RC3H1: variants seen among roughly 807,000 people sequenced by gnomAD.
RC3H1 encodes the protein ring finger and CCCH-type domains 1.
Under a neutral mutation model 138.2 loss-of-function variants are expected in RC3H1, and 50 were observed. That is an observed-to-expected ratio of 0.36 (90% CI 0.29 to 0.46). The LOEUF is 0.46. Ranked by LOEUF, RC3H1 falls within the 20% of genes least tolerant of loss-of-function variation. RC3H1 has a pLI of 1.00. For missense variants in RC3H1, 1,031 were observed against 1,388.1 expected, an observed-to-expected ratio of 0.74 and a Z score of 4.09; for synonymous variants, 462 against 489.1, an observed-to-expected ratio of 0.94 and a Z score of 0.73.
intron 1 of RC3H1, among the ~76,000 whole-genome samples, chr1:173,994,796 C>CAAAAAA (rs984715226): frequency 6.0e-5 from 4 of 67,174 alleles, no homozygotes; most frequent in African/African-American, 4.3e-5. Context: ...GACCCCATCT[C>CAAAAAA]AAAAAAAAAA....
rs1400341911 is a variant in RC3H1 at position 173,964,193 on chromosome 1, G to C, written c.1617-6C>G. The C allele has an allele frequency of 3.1e-6, 5 of 1,592,914 alleles. No individual in the cohort carries two copies. Among genetic ancestry groups the C allele is most frequent in the Non-Finnish European group, 4.3e-6 (5 of 1,160,920 alleles). On this transcript the variant is annotated splice_region_variant and splice_polypyrimidine_tract_variant and intron_variant, in intron 10 of 19. Transcript: ENST00000367696. Reference sequence around the variant, plus strand: ...TCTTAGGAACAGATTCTAGCCTAAGGGAATAATATTATGGAAGTTGTTTAA... The same window carrying C: ...TCTTAGGAACAGATTCTAGCCTAAGCGAATAATATTATGGAAGTTGTTTAA...
At chr1:173,946,650 AT>A (rs761069508) in intron 16 of RC3H1, 42 bp from the exon 17 acceptor site, 175 of 1,608,510 alleles carry the variant, frequency 1.1e-4, no homozygotes, top group Non-Finnish European at 1.4e-4. Flanking sequence ...TTAACATTTC[AT>A]TTTGTTAACA....
chr1:173,952,192 A>G, intron 13 of RC3H1, 54 bp from the exon 14 acceptor site: 1 of 1,372,296 alleles, frequency 7.3e-7, no homozygotes, highest in Non-Finnish European at 9.8e-7. Flanking sequence ...AAGAAACAAA[A>G]CAGGAAATGG....
chr1:173,947,801 G>A (rs971941990), intron 14 of RC3H1, among the ~76,000 whole-genome samples: 1 of 152,046 alleles, frequency 6.6e-6, no homozygotes, highest in African/African-American at 2.4e-5. Context: ...GGAACGTAGG[G>A]GCACTCTCAT....
At chr1:173,944,174 CAA>C (rs201962234) in intron 17 of RC3H1, among the ~76,000 whole-genome samples, 43 of 57,506 alleles carry the variant, frequency 7.5e-4, no homozygotes, top group African/African-American at 1.3e-3. Flanking sequence ...CTTTGTCTCT[CAA>C]AAAAAAAAAA....
rs188041037 is a variant in RC3H1, at chr1:173,932,771, T to C, written c.*5950A>G. On this transcript the variant is annotated 3_prime_UTR_variant, in exon 20 of 20. Coordinates refer to ENST00000367696, the MANE Select transcript of RC3H1 (RefSeq NM_172071.4). Reference sequence around the variant, plus strand: ...ATGACAGCCAATCAATGGAGAAAGATTACACAAATAAATGGTGATTAAAAA... The same window carrying C: ...ATGACAGCCAATCAATGGAGAAAGACTACACAAATAAATGGTGATTAAAAA... 3 of 152,028 alleles carry C rather than the reference T, an allele frequency of 2.0e-5. No individual in the cohort carries two copies. The highest frequency in any genetic ancestry group is 2.1e-4 in the South Asian group (1 of 4,818). The allele number at this position is 152,028 out of a possible 1,614,324, so 9.4% of individuals were successfully genotyped here. A position where few individuals can be genotyped will look rare whatever the true frequency, so the allele number is the denominator to read the frequency against.
At chr1:173,994,422 A>T (rs1222461595) in intron 1 of RC3H1, among the ~76,000 whole-genome samples, 2 of 152,164 alleles carry the variant, frequency 1.3e-5, no homozygotes, top group Non-Finnish European at 2.9e-5. Context: ...ACTTTTGACA[A>T]CATAAGAATA....
At chr1:173,974,174 G>A (rs912594359) in intron 7 of RC3H1, among the ~76,000 whole-genome samples, 7 of 150,550 alleles carry the variant, frequency 4.6e-5, no homozygotes, top group Non-Finnish European at 7.4e-5. Flanking sequence ...CAGCTACTCC[G>A]GAAGCCAAGG....
chr1:173,963,842 C>T (rs1345888501), intron 11 of RC3H1, 131 bp downstream of exon 11: 19 of 691,136 alleles, frequency 2.7e-5, no homozygotes, highest in South Asian at 4.3e-5. Context: ...TCAATTTTTC[C>T]AAAGTATTAA....
intron 1 of RC3H1, among the ~76,000 whole-genome samples, chr1:173,997,824 TAAA>T (rs1455514450): frequency 1.3e-5 from 2 of 152,186 alleles, no homozygotes; most frequent in Non-Finnish European, 2.9e-5. Context: ...TTTCAGGACT[TAAA>T]AAATCACAAG....
At chr1:173,955,430 A>T (rs1158163584) in intron 13 of RC3H1, among the ~76,000 whole-genome samples, 1 of 146,344 alleles carries the variant, frequency 6.8e-6, no homozygotes, top group Non-Finnish European at 1.5e-5. Context: ...TCATTCTCTC[A>T]CCTCAGCCTC....
intron 9 of RC3H1, chr1:173,969,211 A>G (rs1056063547): frequency 1.3e-5 from 2 of 151,604 alleles, no homozygotes; most frequent in Non-Finnish European, 2.9e-5. Context: ...GGATATTATC[A>G]TGTTATTTTC....
rs768504834 is a variant in RC3H1, at chr1:173,961,071, G to T, written c.2370+6C>A. 3 of 1,611,940 alleles carry T rather than the reference G, an allele frequency of 1.9e-6. No individual in the cohort carries two copies. The highest frequency in any genetic ancestry group is 2.5e-6 in the Non-Finnish European group (3 of 1,179,050). ...GGATAAATGAGACTAAAAATGATTT[G>T]CTTACTTCTTCCGGATGAAAGGTAG... On this transcript the variant is annotated splice_donor_region_variant and intron_variant, in intron 13 of 19. Coordinates refer to ENST00000367696, the MANE Select transcript of RC3H1 (RefSeq NM_172071.4).
chr1:173,965,347 C>A (rs1361681605), intron 9 of RC3H1, among the ~76,000 whole-genome samples: 1 of 152,110 alleles, frequency 6.6e-6, no homozygotes, highest in Non-Finnish European at 1.5e-5. Flanking sequence ...GTAATCCCAG[C>A]ACTTTGGGAG....
At chr1:174,009,729 T>C (rs1309464311) in intron 1 of RC3H1, among the ~76,000 whole-genome samples, 1 of 152,100 alleles carries the variant, frequency 6.6e-6, no homozygotes, top group African/African-American at 2.4e-5. Flanking sequence ...TCTCAGCTAC[T>C]TGGAAGGCTG....
chr1:173,951,628 G>A (rs1659404202), intron 14 of RC3H1, among the ~76,000 whole-genome samples: 1 of 152,072 alleles, frequency 6.6e-6, no homozygotes, highest in South Asian at 2.1e-4. Flanking sequence ...GCACGCTCTG[G>A]CCTCCCGGGT....
At position 173,951,967 on chromosome 1, in the gene RC3H1, G is replaced by T. The variant is rs1659419852; in HGVS notation, c.2523+19C>A. The stretch of plus-strand genomic sequence containing the variant: ...TTTATCTTAATTTGTATTAATTATT[G>T]CTTAGCTATTACACATACCATCATT... On this transcript the variant is annotated intron_variant, in intron 14 of 19. Coordinates refer to ENST00000367696, the MANE Select transcript of RC3H1 (RefSeq NM_172071.4). The T allele has an allele frequency of 3.8e-6, 6 of 1,577,590 alleles. No homozygotes were observed. In the East Asian group the frequency reaches 1.4e-4, roughly 36 times the overall value.
intron 2 of RC3H1, among the ~76,000 whole-genome samples, chr1:173,991,804 G>A (rs1324833609): frequency 1.3e-5 from 2 of 152,136 alleles, no homozygotes; most frequent in Non-Finnish European, 2.9e-5. Flanking sequence ...ATTCCTAGGA[G>A]AAATTGGTGA....
At chr1:173,980,216 C>T (rs1379441341) in intron 6 of RC3H1, among the ~76,000 whole-genome samples, 1 of 144,226 alleles carries the variant, frequency 6.9e-6, no homozygotes, top group East Asian at 2.1e-4. Context: ...CCAATTCTCA[C>T]TGTATTACCC....
Sources: allele counts gnomAD v4.1 joint callset (sites outside exome capture counted in the v4.1 genomes callset), GRCh38; gene constraint gnomAD v4.1.1; transcripts MANE v1.5; gene names NCBI Gene and HGNC (gene_info 2026-07-23, HGNC 2026-07-21).